The following FGD3 variants were observed in gnomAD, a reference collection of about 807,000 sequenced individuals.
FGD3 encodes the protein FYVE, RhoGEF and PH domain-containing protein 3.
FGD3 carries 45 observed loss-of-function variants against 71.8 expected under a neutral mutation model. The observed-to-expected ratio is 0.63, with a 90% CI of 0.49 to 0.80. The LOEUF (loss-of-function observed/expected upper bound fraction) is 0.80, where lower values mean the gene tolerates loss of function less well. FGD3 is among the 30% of genes least tolerant of loss of function. The pLI is 0.00. For synonymous variants in FGD3, 378 were observed against 392.8 expected (o/e 0.96, Z 0.44); for missense variants, 844 against 951.5 (o/e 0.89, Z 1.49).
chr9:93,012,742 C>T (rs1450420423), intron 8 of FGD3, among the ~76,000 whole-genome samples: 3 of 151,718 alleles, frequency 2.0e-5, no homozygotes, highest in Non-Finnish European at 2.9e-5. Flanking sequence ...ACAGGACCTG[C>T]CTGGTGCAGG....
chr9:93,013,614 T>C (rs1217390729), intron 8 of FGD3, among the ~76,000 whole-genome samples: 2 of 152,218 alleles, frequency 1.3e-5, no homozygotes, highest in African/African-American at 2.4e-5. Flanking sequence ...AGCACATGGC[T>C]CACAGCAATG....
intron 3 of FGD3, 107 bp from the exon 4 acceptor site, chr9:93,002,818 T>G: frequency 9.2e-7 from 1 of 1,089,448 alleles, no homozygotes; most frequent in South Asian, 1.3e-5. Context: ...AGTGGCCTCC[T>G]GCCACCCCTG....
intron 13 of FGD3, chr9:93,020,698 TG>T: frequency 4.9e-6 from 2 of 404,868 alleles, no homozygotes; most frequent in Non-Finnish European, 9.2e-6. Flanking sequence ...CCTCCTGTGC[TG>T]CTGTGTGGTT....
At chr9:93,013,437 C>T (rs1305709041) in intron 8 of FGD3, among the ~76,000 whole-genome samples, 1 of 152,172 alleles carries the variant, frequency 6.6e-6, no homozygotes, top group Non-Finnish European at 1.5e-5. Context: ...ACCCATGTGA[C>T]CACCCCACCA....
chr9:93,022,389 G>T lies in FGD3; in HGVS notation c.1557G>T (p.Gly519=), dbSNP rs199640763. 8.2e-5 allele frequency: 132 copies of T among 1,612,312 alleles called. No individual in the cohort carries two copies. In the South Asian group the frequency reaches 1.1e-3, roughly 14 times the overall value. ...VTTEGSSGAA[G]LEPRKLSSKT... ...CCGAAGGCAGTTCGGGTGCAGCAGG[G>T]GTAAGTGCCCCATGCTCAGCGGTCA... The change falls in exon 14 of 18, where the codon GGG becomes GGT. Residue 519 remains glycine, a splice_region_variant and synonymous_variant. Transcript: ENST00000375482.
intron 7 of FGD3, among the ~76,000 whole-genome samples, chr9:93,010,587 AAG>A (rs1861286668): frequency 6.9e-6 from 1 of 144,946 alleles, no homozygotes; most frequent in South Asian, 2.2e-4. Flanking sequence ...ATGTCAGGGA[AAG>A]AGAGGGAGAG....
At chr9:92,974,278 G>A (rs1013816940) in intron 1 of FGD3, among the ~76,000 whole-genome samples, 2 of 152,210 alleles carry the variant, frequency 1.3e-5, no homozygotes, top group African/African-American at 2.4e-5. Flanking sequence ...GCTCTGCCAT[G>A]TTTGACCTCT....
intron 10 of FGD3, 146 bp downstream of exon 10, chr9:93,015,975 G>A: frequency 1.4e-6 from 1 of 693,026 alleles, no homozygotes; most frequent in Non-Finnish European, 2.5e-6. Flanking sequence ...CCCTATCTGT[G>A]ACCAAGGCAT....
intron 6 of FGD3, among the ~76,000 whole-genome samples, chr9:93,009,138 C>G (rs897882893): frequency 6.6e-6 from 1 of 151,950 alleles, no homozygotes; most frequent in Non-Finnish European, 1.5e-5. Flanking sequence ...TGGTGTGCAC[C>G]TGTAATCCCA....
At chr9:93,019,753 T>C in intron 11 of FGD3, 78 bp from the exon 12 acceptor site, 1 of 1,383,670 alleles carries the variant, frequency 7.2e-7, no homozygotes, top group Admixed American at 1.7e-5. Context: ...TCGGGTGTGC[T>C]GCAGGGTTGA....
intron 1 of FGD3, among the ~76,000 whole-genome samples, chr9:92,972,595 A>C (rs893446333): frequency 6.6e-6 from 1 of 152,202 alleles, no homozygotes; most frequent in African/African-American, 2.4e-5. Flanking sequence ...TTTTAACTAC[A>C]AGGATTTCTT....
chr9:93,021,819 T>C (rs1385962746), intron 13 of FGD3, among the ~76,000 whole-genome samples: 1 of 152,148 alleles, frequency 6.6e-6, no homozygotes, highest in Non-Finnish European at 1.5e-5. Context: ...CTTTGCACCA[T>C]CCAGAAAGAA....
chr9:93,033,578 C>T (rs1342540660), intron 16 of FGD3: 1 of 157,832 alleles, frequency 6.3e-6, no homozygotes, highest in African/African-American at 2.4e-5. Flanking sequence ...CTTTCCCTGA[C>T]TTCCTTCCTC....
Position 93,035,573 on chromosome 9 carries a change from G to C in FGD3, c.2162G>C (p.Gly721Ala). The C allele has an allele frequency of 6.3e-7, 1 of 1,594,720 alleles. No individual in the cohort carries two copies. Among genetic ancestry groups the C allele is most frequent in the East Asian group, 2.2e-5 (1 of 44,628 alleles). Residue 721 changes from glycine (G) to alanine (A), a missense_variant, in exon 18 of 18, where the codon GGC becomes GCC. Coordinates refer to ENST00000375482, the MANE Select transcript of FGD3 (RefSeq NM_001083536.2). ...GCCCTGCAGCTTCAGGTCCCTATGG[G>C]CGCAGCTGCTCCGTGAGCTGAGTCT... ...PGALQLQVPM[G>A]AAAP
intron 9 of FGD3, among the ~76,000 whole-genome samples, chr9:93,015,383 G>A (rs1861633033): frequency 6.6e-6 from 1 of 152,108 alleles, no homozygotes; most frequent in Non-Finnish European, 1.5e-5. Flanking sequence ...TTAAACACGG[G>A]AGACGGAGTT....
chr9:92,947,766 C>G (rs1858882774), intron 1 of FGD3, 37 bp downstream of exon 1: 4 of 152,316 alleles, frequency 2.6e-5, no homozygotes. Context: ...GCAATTTTCG[C>G]TTGTTTCAGG....
chr9:93,008,217 C>T (rs932968098), intron 6 of FGD3, among the ~76,000 whole-genome samples: 2 of 152,148 alleles, frequency 1.3e-5, no homozygotes, highest in African/African-American at 4.8e-5. Context: ...AACCCTTTAT[C>T]ACTAAACATG....
intron 1 of FGD3, among the ~76,000 whole-genome samples, chr9:92,956,519 G>A (rs1426990928): frequency 6.6e-6 from 1 of 152,200 alleles, no homozygotes; most frequent in Non-Finnish European, 1.5e-5. Flanking sequence ...GACTCACAGA[G>A]GGACAACCAC....
chr9:93,017,081 C>T (rs1861731021), intron 10 of FGD3, among the ~76,000 whole-genome samples: 1 of 152,114 alleles, frequency 6.6e-6, no homozygotes, highest in Admixed American at 6.6e-5. Context: ...CCAGCCTGGG[C>T]AATGTAGTGA....
Sources: allele counts gnomAD v4.1 joint callset (sites outside exome capture counted in the v4.1 genomes callset), GRCh38; gene constraint gnomAD v4.1.1; transcripts MANE v1.5; gene names NCBI Gene and HGNC (gene_info 2026-07-23, HGNC 2026-07-21).